RAB11FIP4: variants seen among roughly 807,000 people sequenced by gnomAD.
RAB11FIP4 encodes the protein rab11 family-interacting protein 4.
Under a neutral mutation model 74.3 loss-of-function variants are expected in RAB11FIP4, and 23 were observed. That is an observed-to-expected ratio of 0.31 (90% CI 0.22 to 0.44). The LOEUF (loss-of-function observed/expected upper bound fraction) is 0.44. RAB11FIP4 is among the 20% of genes least tolerant of loss of function. RAB11FIP4 has a pLI of 1.00. For missense variants in RAB11FIP4, 630 were observed against 863.9 expected (o/e 0.73, Z 3.39); for synonymous variants, 360 against 359.9 (o/e 1.00, Z 0.00).
In RAB11FIP4 at chr17:31,533,070, TG is replaced by T. The variant is rs1357880267; in HGVS notation, c.*1339del. The T allele has an allele frequency of 6.6e-6, 1 of 152,214 alleles. No individual in the cohort carries two copies. The highest frequency in any genetic ancestry group is 6.6e-5 in the Admixed American group (1 of 15,264). 9.4% of individuals were successfully genotyped at this position (152,214 alleles called of 1,614,324 possible). A position where few individuals can be genotyped will look rare whatever the true frequency, so the allele number is the denominator to read the frequency against. ...TCTTATTCTTCCCCCTGCAGTTTCT[TG>T]CTTTCTTCAGCACATCTTATAGTAT... On this transcript the variant is annotated 3_prime_UTR_variant, in exon 15 of 15. Coordinates refer to ENST00000621161, the MANE Select transcript of RAB11FIP4 (RefSeq NM_032932.6).
intron 1 of RAB11FIP4, among the ~76,000 whole-genome samples, chr17:31,429,264 C>T: frequency 6.6e-6 from 1 of 152,180 alleles, no homozygotes; most frequent in East Asian, 1.9e-4. Flanking sequence ...ATCCCACACA[C>T]ATACAACTAC....
intron 3 of RAB11FIP4, among the ~76,000 whole-genome samples, chr17:31,517,178 C>T (rs1440098800): frequency 5.4e-5 from 1 of 18,608 alleles, no homozygotes; most frequent in Admixed American, 6.3e-4. Flanking sequence ...GGTTGGGGGG[C>T]GAGGAGGCGG....
chr17:31,517,103 C>T lies in RAB11FIP4; in HGVS notation c.337-548C>T, dbSNP rs1433546312. ...AAATTAAAACTTAGCCTGTGACCAG[C>T]CTGATTGGTTGCAGGAGGGGACCAA... On this transcript the variant is annotated intron_variant, in intron 3 of 14. Transcript: ENST00000621161. 2.0e-5 allele frequency among the ~76,000 whole-genome samples: 3 copies of T among 149,252 alleles called. No homozygotes were observed. The Admixed American group carries it at 2.0e-4, about 10-fold the overall frequency.
At chr17:31,405,586 T>C (rs1028410725) in intron 1 of RAB11FIP4, among the ~76,000 whole-genome samples, 2 of 152,198 alleles carry the variant, frequency 1.3e-5, no homozygotes, top group African/African-American at 4.8e-5. Context: ...TTGGCAAGGC[T>C]GGTCTGGAAC....
At chr17:31,454,883 C>CA (rs1231712335) in intron 3 of RAB11FIP4, among the ~76,000 whole-genome samples, 8 of 150,840 alleles carry the variant, frequency 5.3e-5, no homozygotes, top group South Asian at 2.1e-4. Flanking sequence ...GACTCCTTCT[C>CA]AAAAAAAAAG....
intron 1 of RAB11FIP4, among the ~76,000 whole-genome samples, chr17:31,405,356 A>G (rs2071032542): frequency 1.3e-5 from 2 of 151,340 alleles, no homozygotes; most frequent in South Asian, 4.2e-4. Context: ...CTCAGGAATC[A>G]TTTGAAGGGC....
intron 3 of RAB11FIP4, among the ~76,000 whole-genome samples, chr17:31,453,694 G>A (rs1359956550): frequency 1.3e-5 from 2 of 150,212 alleles, no homozygotes; most frequent in African/African-American, 2.5e-5. Context: ...GCGTGGTGGT[G>A]CATGCCTGTA....
chr17:31,491,766 C>T (rs1686087133), intron 3 of RAB11FIP4, among the ~76,000 whole-genome samples: 1 of 152,214 alleles, frequency 6.6e-6, no homozygotes, highest in Non-Finnish European at 1.5e-5. Context: ...TAGAAATCCA[C>T]AGGCACGAGC....
At chr17:31,460,407 G>T (rs2071623336) in intron 3 of RAB11FIP4, among the ~76,000 whole-genome samples, 1 of 152,158 alleles carries the variant, frequency 6.6e-6, no homozygotes, top group Non-Finnish European at 1.5e-5. Flanking sequence ...TGGACAGGTT[G>T]TGTCATCTCT....
intron 3 of RAB11FIP4, chr17:31,488,019 G>A (rs1159082426): frequency 2.8e-5 from 28 of 1,009,368 alleles, no homozygotes; most frequent in Non-Finnish European, 3.3e-5. Flanking sequence ...GGGCCCAGGC[G>A]CCTCGTGATG....
intron 3 of RAB11FIP4, among the ~76,000 whole-genome samples, chr17:31,437,211 C>T (rs967217333): frequency 1.1e-4 from 16 of 152,154 alleles, no homozygotes; most frequent in African/African-American, 3.9e-4. Context: ...TTGACCTGGA[C>T]TCCATTCCCT....
rs1454719693 is a variant in RAB11FIP4, at chr17:31,494,703, C to T, written c.337-22948C>T. On this transcript the variant is annotated intron_variant, in intron 3 of 14. Coordinates refer to ENST00000621161, the MANE Select transcript of RAB11FIP4 (RefSeq NM_032932.6). ...TGTTACCCAGGCTGATCTCGAATTC[C>T]TGCCCTCAGGTGATCCTCCCACCGC... Among the ~76,000 whole-genome samples the T allele has an allele frequency of 3.9e-5, 6 of 152,208 alleles. No homozygotes were observed. In the South Asian group the frequency reaches 1.2e-3, roughly 32 times the overall value.
intron 3 of RAB11FIP4, among the ~76,000 whole-genome samples, chr17:31,483,575 C>T (rs1256456406): frequency 6.6e-6 from 1 of 152,174 alleles, no homozygotes; most frequent in Non-Finnish European, 1.5e-5. Flanking sequence ...TTGTGGTTCC[C>T]CTGGAGCACA....
At chr17:31,523,717 C>A in intron 8 of RAB11FIP4, 106 bp downstream of exon 8, 1 of 1,207,916 alleles carries the variant, frequency 8.3e-7, no homozygotes, top group Non-Finnish European at 1.2e-6. Context: ...CTGTACCTGC[C>A]TAGGAATTGG....
chr17:31,503,042 GTTTGTT>G (rs2072251439), intron 3 of RAB11FIP4, among the ~76,000 whole-genome samples: 1 of 146,208 alleles, frequency 6.8e-6, no homozygotes, highest in South Asian at 2.2e-4. Flanking sequence ...TTATTTTGTT[GTTTGTT>G]TTAAGACAGA....
intron 1 of RAB11FIP4, among the ~76,000 whole-genome samples, chr17:31,394,943 G>T (rs921862975): frequency 5.0e-5 from 7 of 139,408 alleles, no homozygotes; most frequent in Admixed American, 7.0e-5. Flanking sequence ...GGGGGCGGGG[G>T]GGGGGGGCTC....
At chr17:31,463,803 CTTTTTTTTTTTTTTTT>C (rs60955293) in intron 3 of RAB11FIP4, among the ~76,000 whole-genome samples, 1 of 32,824 alleles carries the variant, frequency 3.0e-5, no homozygotes, top group African/African-American at 1.1e-4. Flanking sequence ...TGCGCCTGGA[CTTTTTTTTTTTTTTTT>C]TTTTTTTTTT....
At position 31,523,494 on chromosome 17, in the gene RAB11FIP4, C is replaced by T. The variant is rs2072706605; in HGVS notation, c.930-18C>T. 12 of 1,609,596 alleles carry T rather than the reference C, an allele frequency of 7.5e-6. No individual in the cohort carries two copies. The highest frequency in any genetic ancestry group is 1.1e-5 in the South Asian group (1 of 90,996). ...TGGAAGGCCCCTGCAGCCAGACACC[C>T]TCCTCCCACCCCTGCAGGCAGCTCA... is the stretch of plus-strand genomic sequence containing the variant. On this transcript the variant is annotated intron_variant, in intron 7 of 14. Transcript: ENST00000621161.
At chr17:31,449,317 A>T (rs948760954) in intron 3 of RAB11FIP4, among the ~76,000 whole-genome samples, 2 of 152,050 alleles carry the variant, frequency 1.3e-5, no homozygotes, top group Non-Finnish European at 2.9e-5. Context: ...CAGCACCCGC[A>T]CCACGCCCCT....
Sources: gnomAD v4.1 joint callset for allele counts (sites outside exome capture counted in the v4.1 genomes callset) on GRCh38, gnomAD v4.1.1 for gene constraint, MANE v1.5 for transcripts, NCBI Gene and HGNC (gene_info 2026-07-23, HGNC 2026-07-21) for gene names.